The following DENND5A variants were observed in gnomAD, a reference collection of about 807,000 sequenced individuals.
The protein encoded by DENND5A is DENN domain-containing protein 5A.
DENND5A carries 64 observed loss-of-function variants against 140.3 expected under a neutral mutation model. The observed-to-expected ratio is 0.46, with a 90% CI of 0.37 to 0.56. DENND5A has a LOEUF of 0.56. Ranked by LOEUF, DENND5A falls within the 20% of genes least tolerant of loss-of-function variation. The pLI is 0.00. For missense variants in DENND5A, 1,292 were observed against 1,593.8 expected, an observed-to-expected ratio of 0.81 and a Z score of 3.22; for synonymous variants, 605 against 607.7, an observed-to-expected ratio of 1.00 and a Z score of 0.07.
chr11:9,221,969 G>T (rs1298065865), intron 1 of DENND5A, among the ~76,000 whole-genome samples: 1 of 151,182 alleles, frequency 6.6e-6, no homozygotes. Context: ...GTGTTGGCCA[G>T]GATGGTCTTG....
At chr11:9,186,710 T>C (rs543022670) in intron 5 of DENND5A, among the ~76,000 whole-genome samples, 2 of 152,180 alleles carry the variant, frequency 1.3e-5, no homozygotes, top group East Asian at 1.9e-4. Flanking sequence ...TAGATTAAGA[T>C]AAGATAGGAC....
intron 1 of DENND5A, among the ~76,000 whole-genome samples, chr11:9,238,426 CTT>C (rs1213583548): frequency 3.5e-5 from 5 of 143,824 alleles, no homozygotes; most frequent in Non-Finnish European, 6.1e-5. Context: ...CTTTAAATTA[CTT>C]TTTTTTTTTT....
Position 9,203,678 on chromosome 11 carries a change from T to C in DENND5A, c.931A>G (p.Ile311Val), listed in dbSNP as rs750420759. 1 of 1,613,510 alleles carries C rather than the reference T, an allele frequency of 6.2e-7. No homozygotes were observed. Among genetic ancestry groups the C allele is most frequent in the Non-Finnish European group, 8.5e-7 (1 of 1,179,804 alleles). Residue 311 changes from isoleucine (I) to valine (V), a missense_variant, in exon 4 of 23, where the codon ATC becomes GTC. By Grantham distance (29) the Ile-to-Val change is conservative. Transcript: ENST00000328194. The part of the protein sequence containing the change: ...LFTCALLEFQ[I>V]LLYSQHYQRL... ...GACTTACGCTGTGAGTAGAGCAGGA[T>C]TTGAAACTCCAGAAGGGCACAAGTA...
chr11:9,242,360 C>T (rs761277054), intron 1 of DENND5A: 1 of 152,210 alleles, frequency 6.6e-6, no homozygotes, highest in Non-Finnish European at 1.5e-5. Flanking sequence ...CAATTATAAA[C>T]ATACCTTCGT....
intron 22 of DENND5A, chr11:9,140,126 G>A: frequency 7.0e-7 from 1 of 1,431,318 alleles, no homozygotes; most frequent in Non-Finnish European, 9.3e-7. Context: ...CCCACCACTG[G>A]TGTCTCCCAG....
At chr11:9,162,233 CTTTTTTTTTT>C (rs1221675349) in intron 11 of DENND5A, among the ~76,000 whole-genome samples, 1 of 97,334 alleles carries the variant, frequency 1.0e-5, no homozygotes, top group African/African-American at 3.9e-5. Flanking sequence ...CCAGTTCCTT[CTTTTTTTTTT>C]TTTTTTTTTT....
chr11:9,150,039 A>C, intron 15 of DENND5A, 42 bp downstream of exon 15: 1 of 1,582,816 alleles, frequency 6.3e-7, no homozygotes, highest in Non-Finnish European at 8.6e-7. Flanking sequence ...TCTTCCCTCC[A>C]TTCCTGGGAG....
intron 21 of DENND5A, among the ~76,000 whole-genome samples, chr11:9,142,318 A>C (rs1000696244): frequency 1.3e-5 from 2 of 152,164 alleles, no homozygotes; most frequent in African/African-American, 4.8e-5. Flanking sequence ...CCTTGATATA[A>C]AGATGTTCTT....
At chr11:9,204,455 G>C (rs1293832406) in intron 3 of DENND5A, 138 bp from the exon 4 acceptor site, 2 of 734,296 alleles carry the variant, frequency 2.7e-6, no homozygotes, top group African/African-American at 1.8e-5. Flanking sequence ...TCTTTCTAAT[G>C]CAAGACATGC....
chr11:9,199,460 T>G (rs1271343045), intron 4 of DENND5A, among the ~76,000 whole-genome samples: 2 of 152,158 alleles, frequency 1.3e-5, no homozygotes, highest in African/African-American at 2.4e-5. Flanking sequence ...ATTGTGCCAC[T>G]GCACTCTAGC....
chr11:9,176,648 C>T, intron 8 of DENND5A: 1 of 229,816 alleles, frequency 4.4e-6, no homozygotes, highest in South Asian at 5.5e-5. Flanking sequence ...TAAAAGCATG[C>T]ACAAAGCACC....
At chr11:9,177,884 C>A in intron 8 of DENND5A, 1 of 406,190 alleles carries the variant, frequency 2.5e-6, no homozygotes, top group Admixed American at 4.1e-5. Context: ...AAAAAGAACC[C>A]CCTATTTGTT....
chr11:9,204,171 G>A lies in DENND5A; in HGVS notation c.438C>T (p.Ile146=). Residue 146 remains isoleucine, a synonymous_variant, in exon 4 of 23, where the codon ATC becomes ATT. Coordinates refer to ENST00000328194, the MANE Select transcript of DENND5A (RefSeq NM_015213.4). ...TFYEEVTSKQ[I]CSAMQTLYHM... ...GGTAGAGGGTCTGCATTGCACTGCA[G>A]ATCTGCTTGCTAGTCACCTCTTCAT... 1 of 1,614,158 alleles carries A rather than the reference G, an allele frequency of 6.2e-7. No individual in the cohort carries two copies. The highest frequency in any genetic ancestry group is 8.5e-7 in the Non-Finnish European group (1 of 1,180,028).
At chr11:9,206,897 G>A (rs1849709322) in intron 2 of DENND5A, 115 bp from the exon 3 acceptor site, 1 of 713,316 alleles carries the variant, frequency 1.4e-6, no homozygotes, top group Non-Finnish European at 2.4e-6. Context: ...AAGGGGGTTA[G>A]TATGCCAACC....
intron 9 of DENND5A, 186 bp from the exon 10 acceptor site, chr11:9,170,135 G>C (rs920669332): frequency 4.6e-6 from 2 of 431,380 alleles, no homozygotes; most frequent in African/African-American, 2.2e-5. Flanking sequence ...GGACATGAGA[G>C]AGACACCTCC....
chr11:9,237,427 A>G (rs1335751135), intron 1 of DENND5A, among the ~76,000 whole-genome samples: 1 of 152,178 alleles, frequency 6.6e-6, no homozygotes. Flanking sequence ...CGTCTCCAGA[A>G]AAAAAGATAT....
At chr11:9,154,367 C>G (rs1847734412) in intron 12 of DENND5A, among the ~76,000 whole-genome samples, 1 of 152,136 alleles carries the variant, frequency 6.6e-6, no homozygotes, top group African/African-American at 2.4e-5. Flanking sequence ...AACTATGCTA[C>G]ACGAGATGCT....
intron 12 of DENND5A, among the ~76,000 whole-genome samples, chr11:9,159,346 G>C (rs966040074): frequency 6.9e-6 from 1 of 143,998 alleles, no homozygotes; most frequent in African/African-American, 2.6e-5. Context: ...TTGAGACAGA[G>C]TTTCACTCTT....
Position 9,262,865 on chromosome 11 carries a change from C to T in DENND5A, c.109+2096G>A, listed in dbSNP as rs375926657. ...CACGCCATTCTCCTGCCTCAGCCTCCTGAGTAGCTGGGACTACAGGCGCCC... is the reference window on the plus strand; with the variant it reads ...CACGCCATTCTCCTGCCTCAGCCTCTTGAGTAGCTGGGACTACAGGCGCCC... On this transcript the variant is annotated intron_variant, in intron 1 of 22. Coordinates refer to ENST00000328194, the MANE Select transcript of DENND5A (RefSeq NM_015213.4). Among the ~76,000 whole-genome samples, 371 of 152,240 alleles carry T rather than the reference C, an allele frequency of 2.4e-3. 2 individuals carry two copies. The highest frequency in any genetic ancestry group is 8.4e-3 in the African/African-American group (349 of 41,552).
Sources: gnomAD v4.1 joint callset for allele counts (sites outside exome capture counted in the v4.1 genomes callset) on GRCh38, gnomAD v4.1.1 for gene constraint, MANE v1.5 for transcripts, NCBI Gene and HGNC (gene_info 2026-07-23, HGNC 2026-07-21) for gene names.